BHLHE41: variants seen among roughly 807,000 people sequenced by gnomAD.
BHLHE41 encodes the protein class E basic helix-loop-helix protein 41.
A neutral mutation model predicts 24.0 loss-of-function variants in BHLHE41; 14 were observed. That is an observed-to-expected ratio of 0.58 (90% CI 0.39 to 0.91). BHLHE41 has a LOEUF of 0.91. BHLHE41 is among the 40% of genes least tolerant of loss of function. BHLHE41 has a pLI of 0.00. For missense variants in BHLHE41, 674 were observed against 655.4 expected (o/e 1.03, Z -0.31); for synonymous variants, 394 against 315.5 (o/e 1.25, Z -2.64).
Position 26,123,941 on chromosome 12 carries a change from ACT to A in BHLHE41, c.234+129_234+130del, listed in dbSNP as rs555499142. ...GAGCACCTACTCCAGTTTGCGGGAA[ACT>A]CTGTACGGTATAGCACAAGTTTTAA... On this transcript the variant is annotated intron_variant, in intron 3 of 4. Coordinates refer to ENST00000242728, the MANE Select transcript of BHLHE41 (RefSeq NM_030762.3). The A allele has an allele frequency of 3.2e-4, 249 of 785,752 alleles. 2 individuals are homozygous for A. The highest frequency in any genetic ancestry group is 3.6e-4 in the Non-Finnish European group (168 of 466,966). 48.7% of individuals were successfully genotyped at this position (785,752 alleles called of 1,614,324 possible).
Position 26,122,160 on chromosome 12 carries a change from C to T in BHLHE41, c.1355G>A (p.Arg452His), listed in dbSNP as rs1211983305. 10 of 1,538,524 alleles carry T rather than the reference C, an allele frequency of 6.5e-6. No individual in the cohort carries two copies. The highest frequency in any genetic ancestry group is 8.8e-6 in the Non-Finnish European group (10 of 1,141,382). The change falls in exon 5 of 5, where the codon CGC becomes CAC. Residue 452 changes from arginine to histidine, a missense_variant. Around this residue, in one of 3 missense-constraint regions of BHLHE41, gnomAD observed 602 missense variants for 570.8 expected, o/e 1.05. Transcript: ENST00000242728. ...GAPHPQHPHG[R>H]THLPFAGPRE... The stretch of plus-strand genomic sequence containing the variant: ...GGGCCCGGCGAAGGGCAGGTGGGTG[C>T]GGCCGTGCGGGTGCTGGGGGTGCGG...
chr12:26,122,525 G>C lies in BHLHE41; in HGVS notation c.990C>G (p.Gly330=). ...GCGGGAAGGGCGCGCCTCCGCCTCCGCCGAACGCCACCAGCGAGCTGAGCA... is the reference window on the plus strand; with the variant it reads ...GCGGGAAGGGCGCGCCTCCGCCTCCCCCGAACGCCACCAGCGAGCTGAGCA... ...AALLSSLVAF[G]GGGGAPFPQP... The change falls in exon 5 of 5, where the codon GGC becomes GGG. Residue 330 remains glycine (G), a synonymous_variant. Transcript: ENST00000242728. 1 of 1,282,058 alleles carries C rather than the reference G, an allele frequency of 7.8e-7. No homozygotes were observed. The highest frequency in any genetic ancestry group is 1.0e-6 in the Non-Finnish European group (1 of 1,004,240). 79.4% of individuals were successfully genotyped at this position (1,282,058 alleles called of 1,614,324 possible).
chr12:26,124,736 T>C lies in BHLHE41; in HGVS notation c.44A>G (p.Glu15Gly). Reference sequence around the variant, plus strand: ...ACCTTACCCTATAAAATCTCTATGTTCCAGTAACTGTCTCTCTTGCAAATG... The same window carrying C: ...ACCTTACCCTATAAAATCTCTATGTCCCAGTAACTGTCTCTCTTGCAAATG... ...IPHLQERQLL[E>G]HRDFIGLDYS... is the part of the protein sequence containing the mutation. The change falls in exon 1 of 5, where the codon GAA becomes GGA. Residue 15 changes from glutamate to glycine, a missense_variant. Glu to Gly is a moderately conservative substitution (Grantham distance 98). Coordinates refer to ENST00000242728, the MANE Select transcript of BHLHE41 (RefSeq NM_030762.3). The C allele has an allele frequency of 6.2e-7, 1 of 1,614,230 alleles. No homozygotes were observed. The highest frequency in any genetic ancestry group is 8.5e-7 in the Non-Finnish European group (1 of 1,180,030).
In BHLHE41 at chr12:26,122,147, G is replaced by A. The variant is rs1280797423; in HGVS notation, c.1368C>T (p.Pro456=). The change falls in exon 5 of 5, where the codon CCC becomes CCT. Residue 456 remains proline (P), a synonymous_variant. Coordinates refer to ENST00000242728, the MANE Select transcript of BHLHE41 (RefSeq NM_030762.3). ...PQHPHGRTHL[P]FAGPREPGNP... ...TCCCCGGCTCGCGGGGCCCGGCGAA[G>A]GGCAGGTGGGTGCGGCCGTGCGGGT... 3 of 1,547,406 alleles carry A rather than the reference G, an allele frequency of 1.9e-6. No individual in the cohort carries two copies. The South Asian group carries it at 3.6e-5, about 18-fold the overall frequency.
rs748033209 is a variant in BHLHE41, at chr12:26,122,949, C to T, written c.566G>A (p.Gly189Asp). The T allele has an allele frequency of 1.3e-6, 2 of 1,556,520 alleles. No homozygotes were observed. Among genetic ancestry groups the T allele is most frequent in the East Asian group, 4.8e-5 (2 of 41,266 alleles). ...CCCGGCGGCCGAGGGAGCGCCGGTGCCTTTGCTCAGAGGGACCTGTTGAGT... is the reference window on the plus strand; with the variant it reads ...CCCGGCGGCCGAGGGAGCGCCGGTGTCTTTGCTCAGAGGGACCTGTTGAGT... ...LLTQQVPLSK[G>D]TGAPSAAGSA... Residue 189 changes from glycine (G) to aspartate (D), a missense_variant, in exon 5 of 5, where the codon GGC becomes GAC. Coordinates refer to ENST00000242728, the MANE Select transcript of BHLHE41 (RefSeq NM_030762.3).
chr12:26,124,291 TA>T, intron 2 of BHLHE41, 112 bp from the exon 3 acceptor site: 2 of 557,580 alleles, frequency 3.6e-6, no homozygotes, highest in Non-Finnish European at 6.1e-6. Context: ...TACTATGTGA[TA>T]AACTACACCC....
At position 26,122,980 on chromosome 12, in the gene BHLHE41, G is replaced by C. The variant is rs752977997; in HGVS notation, c.535C>G (p.Leu179Val). 4 of 1,565,204 alleles carry C rather than the reference G, an allele frequency of 2.6e-6. No individual in the cohort carries two copies. The South Asian group carries it at 4.7e-5, about 18-fold the overall frequency. ...CTCAGAGGGACCTGTTGAGTCAACA[G>C]CTGCGGGGTGGGCAAGAACTGGGTG... ...VATQFLPTPQ[L>V]LTQQVPLSKG... The change falls in exon 5 of 5, where the codon CTG (leucine) becomes GTG (valine). Residue 179 changes from leucine (L) to valine (V), a missense_variant. Around this residue, in one of 3 missense-constraint regions of BHLHE41, gnomAD observed 602 missense variants for 570.8 expected, o/e 1.05. Transcript: ENST00000242728.
At position 26,122,488 on chromosome 12, in the gene BHLHE41, C is replaced by T; in HGVS notation, c.1027G>A (p.Ala343Thr). ...AAGGGCAGGCAGAAGGGGGCCGCGG[C>T]GGCCGCGGGCTGCGGGAAGGGCGCG... Reference protein sequence around the residue: ...GGAPFPQPAAAAAPFCLPFCF... With the variant: ...GGAPFPQPAATAAPFCLPFCF... The change falls in exon 5 of 5, where the codon GCC (alanine) becomes ACC (threonine). Residue 343 changes from alanine (A) to threonine (T), a missense_variant. Coordinates refer to ENST00000242728, the MANE Select transcript of BHLHE41 (RefSeq NM_030762.3). 4 of 1,324,832 alleles carry T rather than the reference C, an allele frequency of 3.0e-6. No homozygotes were observed. The highest frequency in any genetic ancestry group is 1.7e-5 in the South Asian group (1 of 57,308). The allele number at this position is 1,324,832 out of a possible 1,614,324, so 82.1% of individuals were successfully genotyped here.
In BHLHE41 at chr12:26,122,860, G is replaced by T. The variant is rs1351969664; in HGVS notation, c.655C>A (p.Pro219Thr). 1.3e-6 allele frequency: 2 copies of T among 1,566,352 alleles called. No homozygotes were observed. The highest frequency in any genetic ancestry group is 1.7e-6 in the Non-Finnish European group (2 of 1,157,722). The change falls in exon 5 of 5, where the codon CCC becomes ACC. Residue 219 changes from proline (P) to threonine (T), a missense_variant. By Grantham distance (38) the Pro-to-Thr change is conservative. Coordinates refer to ENST00000242728, the MANE Select transcript of BHLHE41 (RefSeq NM_030762.3). Reference protein sequence around the residue: ...QKLEPLAYCVPVIQRTQPSAE... With the variant: ...QKLEPLAYCVTVIQRTQPSAE... ...CTGGGCTGAGTCCGCTGGATGACGG[G>T]CACGCAGTAGGCGAGGGGCTCCAGC...
At position 26,122,118 on chromosome 12, in the gene BHLHE41, G is replaced by A. The variant is rs1201230068; in HGVS notation, c.1397C>T (p.Pro466Leu). The change falls in exon 5 of 5, where the codon CCG (proline) becomes CTG (leucine). Residue 466 changes from proline (P) to leucine (L), a missense_variant. This residue lies in a region of BHLHE41 where 602 missense variants were observed against 570.8 expected (regional missense o/e 1.05). Transcript: ENST00000242728. ...GGGATCTTCCTGAGCAGAGCTCTCC[G>A]GGTTCCCCGGCTCGCGGGGCCCGGC... is the stretch of plus-strand genomic sequence containing the variant. ...PFAGPREPGN[P>L]ESSAQEDPSQ... The A allele has an allele frequency of 1.3e-6, 2 of 1,549,350 alleles. No individual in the cohort carries two copies. The highest frequency in any genetic ancestry group is 1.4e-5 in the African/African-American group (1 of 73,114).
Position 26,122,342 on chromosome 12 carries a change from G to A in BHLHE41, c.1173C>T (p.Gly391=). 1.7e-6 allele frequency: 2 copies of A among 1,175,172 alleles called. No individual in the cohort carries two copies. Among genetic ancestry groups the A allele is most frequent in the Non-Finnish European group, 2.1e-6 (2 of 952,408 alleles). 72.8% of individuals were successfully genotyped at this position (1,175,172 alleles called of 1,614,324 possible). A position where few individuals can be genotyped will look rare whatever the true frequency, so the allele number is the denominator to read the frequency against. The part of the protein sequence containing the change: ...AAAPFPLLYP[G]IPAPAAAAAA... ...CCGCGGCTGCCGCCGGGGCGGGGAT[G>A]CCGGGGTATAGCAGCGGGAACGGGG... Residue 391 remains glycine, a synonymous_variant, in exon 5 of 5, where the codon GGC becomes GGT. Coordinates refer to ENST00000242728, the MANE Select transcript of BHLHE41 (RefSeq NM_030762.3).
Position 26,120,530 on chromosome 12 carries a change from T to G in BHLHE41, c.*1536A>C, listed in dbSNP as rs1021173422. 1.3e-5 allele frequency: 2 copies of G among 152,774 alleles called. No individual in the cohort carries two copies. Among genetic ancestry groups the G allele is most frequent in the East Asian group, 3.9e-4 (2 of 5,190 alleles). The allele number at this position is 152,774 out of a possible 1,614,324, so 9.5% of individuals were successfully genotyped here. On this transcript the variant is annotated 3_prime_UTR_variant, in exon 5 of 5. Transcript: ENST00000242728. ...TTCAGCAAATCCTCCCCAAAAGATA[T>G]TTTAACTCAAAATATCATTAGCACA...
In BHLHE41 at chr12:26,124,668, A is replaced by T. The variant is rs759363684; in HGVS notation, c.62+50T>A. On this transcript the variant is annotated intron_variant, in intron 1 of 4. Coordinates refer to ENST00000242728, the MANE Select transcript of BHLHE41 (RefSeq NM_030762.3). ...CCATACCACTTTCTGGAGAAGAAAA[A>T]AATCAAACCAAAGCCTAGACAGATA... is the stretch of plus-strand genomic sequence containing the variant. 8 of 1,613,540 alleles carry T rather than the reference A, an allele frequency of 5.0e-6. No homozygotes were observed. The South Asian group carries it at 6.6e-5, about 13-fold the overall frequency.
In BHLHE41 at chr12:26,122,774, C is replaced by T. The variant is rs1284629147; in HGVS notation, c.741G>A (p.Glu247=). Residue 247 remains glutamate (E), a synonymous_variant, in exon 5 of 5, where the codon GAG becomes GAA. Coordinates refer to ENST00000242728, the MANE Select transcript of BHLHE41 (RefSeq NM_030762.3). ...DTDSGYGGEA[E]ARPDREKGKG... Reference sequence around the variant, plus strand: ...TGCCTTTCTCGCGGTCCGGCCGGGCCTCGGCTTCGCCGCCGTAGCCGCTGT... The same window carrying T: ...TGCCTTTCTCGCGGTCCGGCCGGGCTTCGGCTTCGCCGCCGTAGCCGCTGT... 1.3e-6 allele frequency: 2 copies of T among 1,588,432 alleles called. No homozygotes were observed. Among genetic ancestry groups the T allele is most frequent in the South Asian group, 1.1e-5 (1 of 88,436 alleles).
At position 26,122,225 on chromosome 12, in the gene BHLHE41, G is replaced by T. The variant is rs1165412801; in HGVS notation, c.1290C>A (p.Ala430=). The T allele has an allele frequency of 2.3e-6, 3 of 1,297,510 alleles. No individual in the cohort carries two copies. Among genetic ancestry groups the T allele is most frequent in the Admixed American group, 4.2e-5 (1 of 23,718 alleles). 80.4% of individuals were successfully genotyped at this position (1,297,510 alleles called of 1,614,324 possible). A position where few individuals can be genotyped will look rare whatever the true frequency, so the allele number is the denominator to read the frequency against. ...CCACCTCGTGCGGCAGGAGGGTCGCGGCGGCGGCGCCCGCCTTCTCGGGAG... is the reference window on the plus strand; with the variant it reads ...CCACCTCGTGCGGCAGGAGGGTCGCTGCGGCGGCGCCCGCCTTCTCGGGAG... ...SPPPEKAGAA[A]ATLLPHEVAP... The change falls in exon 5 of 5, where the codon GCC becomes GCA. Residue 430 remains alanine, a synonymous_variant. Transcript: ENST00000242728.
At chr12:26,124,215 T>A in intron 2 of BHLHE41, 36 bp from the exon 3 acceptor site, 1 of 1,368,912 alleles carries the variant, frequency 7.3e-7, no homozygotes, top group Non-Finnish European at 1.0e-6. Flanking sequence ...GAGAAAACAG[T>A]AAGCGAAACA....
In BHLHE41 at chr12:26,122,132, G is replaced by A. The variant is rs887560316; in HGVS notation, c.1383C>T (p.Arg461=). ...GRTHLPFAGP[R]EPGNPESSAQ... is the part of the protein sequence containing the mutation. ...CAGAGCTCTCCGGGTTCCCCGGCTCGCGGGGCCCGGCGAAGGGCAGGTGGG... is the reference window on the plus strand; with the variant it reads ...CAGAGCTCTCCGGGTTCCCCGGCTCACGGGGCCCGGCGAAGGGCAGGTGGG... The change falls in exon 5 of 5, where the codon CGC becomes CGT. Residue 461 remains arginine (R), a synonymous_variant. Transcript: ENST00000242728. The A allele has an allele frequency of 6.5e-7, 1 of 1,548,814 alleles. No individual in the cohort carries two copies. Among genetic ancestry groups the A allele is most frequent in the Non-Finnish European group, 8.7e-7 (1 of 1,146,308 alleles).
chr12:26,120,064 T>TA lies in BHLHE41; in HGVS notation c.*2001dup, dbSNP rs1944292033. On this transcript the variant is annotated 3_prime_UTR_variant, in exon 5 of 5. Coordinates refer to ENST00000242728, the MANE Select transcript of BHLHE41 (RefSeq NM_030762.3). ...TTTTCTTTTGCACTTTTCATTAAGA[T>TA]ACATTGGGAACGAGCAGGTAGACAA... 1.3e-5 allele frequency: 2 copies of TA among 152,152 alleles called. No individual in the cohort carries two copies. Among genetic ancestry groups the TA allele is most frequent in the Non-Finnish European group, 2.9e-5 (2 of 68,032 alleles). The allele number at this position is 152,152 out of a possible 1,614,324, so 9.4% of individuals were successfully genotyped here. A position where few individuals can be genotyped will look rare whatever the true frequency, so the allele number is the denominator to read the frequency against.
chr12:26,124,295 C>T, intron 2 of BHLHE41, 116 bp from the exon 3 acceptor site: 1 of 592,400 alleles, frequency 1.7e-6, no homozygotes. Flanking sequence ...ATGTGATAAA[C>T]TACACCCAAG....
Sources: gnomAD v4.1 joint callset for allele counts on GRCh38, gnomAD v4.1.1 for gene constraint, gnomAD v4.1.1 regional missense constraint, MANE v1.5 for transcripts, NCBI Gene and HGNC (gene_info 2026-07-23, HGNC 2026-07-21) for gene names.